The following NFATC1 variants were observed in gnomAD, a reference collection of about 807,000 sequenced individuals.
NFATC1 encodes nuclear factor of activated T-cells, cytoplasmic 1.
A neutral mutation model predicts 76.0 loss-of-function variants in NFATC1; 22 were observed. That is an observed-to-expected ratio of 0.29 (90% CI 0.21 to 0.41). The LOEUF is 0.41. Among genes scored for constraint, NFATC1 ranks in the 10% least tolerant of loss-of-function variants. The pLI is 1.00. For synonymous variants in NFATC1, 704 were observed against 613.1 expected (o/e 1.15, Z -2.19); for missense variants, 1,357 against 1,337.7 (o/e 1.01, Z -0.23).
chr18:79,414,116 T>C (rs2085794125), intron 2 of NFATC1, among the ~76,000 whole-genome samples: 1 of 152,212 alleles, frequency 6.6e-6, no homozygotes, highest in South Asian at 2.1e-4. Flanking sequence ...CTGGGGCAGC[T>C]GGAAGCCACG....
chr18:79,412,115 C>T (rs1339218603), intron 2 of NFATC1, among the ~76,000 whole-genome samples: 2 of 152,220 alleles, frequency 1.3e-5, no homozygotes, highest in Admixed American at 6.5e-5. Context: ...GGGGAGCTCA[C>T]GCGCCTTCCT....
intron 8 of NFATC1, among the ~76,000 whole-genome samples, chr18:79,471,275 C>T (rs1373245837): frequency 6.6e-6 from 1 of 152,170 alleles, no homozygotes; most frequent in Non-Finnish European, 1.5e-5. Flanking sequence ...CGTGGGAACC[C>T]TGCCCAGGTC....
Position 79,527,986 on chromosome 18 carries a change from T to C in NFATC1, c.*409T>C. ...TAGAATTGAGCATTGAATTTGCTAC[T>C]GTAGGAGTATTTTTAGGAGCAGAAA... On this transcript the variant is annotated 3_prime_UTR_variant, in exon 10 of 10. Transcript: ENST00000427363. The C allele has an allele frequency of 2.4e-6, 1 of 409,636 alleles. No individual in the cohort carries two copies. Among genetic ancestry groups the C allele is most frequent in the Non-Finnish European group, 4.3e-6 (1 of 231,836 alleles). The allele number at this position is 409,636 out of a possible 1,614,324, so 25.4% of individuals were successfully genotyped here. A position where few individuals can be genotyped will look rare whatever the true frequency, so the allele number is the denominator to read the frequency against.
chr18:79,419,270 C>T (rs781712103), intron 2 of NFATC1, among the ~76,000 whole-genome samples: 3 of 152,196 alleles, frequency 2.0e-5, no homozygotes, highest in African/African-American at 4.8e-5. Context: ...GCAGTCCTCC[C>T]GACCTGTCCT....
chr18:79,462,549 C>T (rs2088167713), intron 7 of NFATC1, among the ~76,000 whole-genome samples: 1 of 152,176 alleles, frequency 6.6e-6, no homozygotes, highest in African/African-American at 2.4e-5. Context: ...GGTGATCCGC[C>T]CGCCTCGGCC....
At position 79,472,058 on chromosome 18, in the gene NFATC1, G is replaced by A. The variant is rs141215856; in HGVS notation, c.2092+4476G>A. Among the ~76,000 whole-genome samples, 355 of 152,296 alleles carry A rather than the reference G, an allele frequency of 2.3e-3. 1 individual carries two copies. The highest frequency in any genetic ancestry group is 8.2e-3 in the African/African-American group (340 of 41,550). On this transcript the variant is annotated intron_variant, in intron 8 of 9. Transcript: ENST00000427363. ...TAAATCCAGCAATAACTGTGGCATC[G>A]GAGAGGTGTTGGTACAGAGGGAGCC... is the stretch of plus-strand genomic sequence containing the variant.
intron 7 of NFATC1, among the ~76,000 whole-genome samples, chr18:79,464,669 T>TGTGTGTGTGTAC (rs1224530916): frequency 1.6e-5 from 2 of 122,290 alleles, no homozygotes; most frequent in African/African-American, 3.7e-5. Flanking sequence ...TGTGTGTGTG[T>TGTGTGTGTGTAC]GTATATGTAT....
rs1445053643 is a variant in NFATC1, at chr18:79,494,756, TACC to T, written c.2782+7820_2782+7822del. On this transcript the variant is annotated intron_variant, in intron 9 of 9. Transcript: ENST00000427363. ...GGGCACACGCCCCCCATCGACCTGG[TACC>T]GCCGGGGGAAGGCGAGAGCGGGCAC... 2.7e-5 allele frequency among the ~76,000 whole-genome samples: 2 copies of T among 73,470 alleles called. 1 individual carries two copies. 48.2% of individuals were successfully genotyped at this position (73,470 alleles called of 152,430 possible). A position where few individuals can be genotyped will look rare whatever the true frequency, so the allele number is the denominator to read the frequency against.
At chr18:79,441,374 C>T (rs1202687664) in intron 3 of NFATC1, among the ~76,000 whole-genome samples, 1 of 152,138 alleles carries the variant, frequency 6.6e-6, no homozygotes, top group Non-Finnish European at 1.5e-5. Context: ...GGGCAGCGCT[C>T]CTGGGCCTCT....
chr18:79,447,001 G>A (rs1312490634), intron 3 of NFATC1, among the ~76,000 whole-genome samples: 5 of 152,236 alleles, frequency 3.3e-5, no homozygotes, highest in African/African-American at 1.2e-4. Context: ...ATCAGTCTGG[G>A]CCTCACGGTC....
intron 5 of NFATC1, 89 bp downstream of exon 5, chr18:79,451,215 G>A: frequency 1.4e-6 from 2 of 1,464,070 alleles, no homozygotes; most frequent in Admixed American, 1.9e-5. Flanking sequence ...TTTCGTTCGT[G>A]TAGACTTGGG....
intron 8 of NFATC1, 196 bp downstream of exon 8, chr18:79,467,778 T>A (rs2088589849): frequency 8.8e-5 from 36 of 407,916 alleles, no homozygotes; most frequent in Non-Finnish European, 1.1e-4. Flanking sequence ...TTTTCCTTGA[T>A]CCCTGTTGGG....
chr18:79,436,179 C>T (rs2086767852), intron 3 of NFATC1, among the ~76,000 whole-genome samples: 1 of 152,256 alleles, frequency 6.6e-6, no homozygotes, highest in Non-Finnish European at 1.5e-5. Context: ...TATTTTAGTA[C>T]ATCCTTTGAC....
chr18:79,432,814 C>A (rs893746068), intron 2 of NFATC1, among the ~76,000 whole-genome samples: 1 of 152,164 alleles, frequency 6.6e-6, no homozygotes, highest in Non-Finnish European at 1.5e-5. Flanking sequence ...GCCGAGGGCA[C>A]GGGCAGGACC....
intron 1 of NFATC1, chr18:79,402,472 C>G: frequency 4.6e-6 from 4 of 862,590 alleles, no homozygotes; most frequent in Non-Finnish European, 5.6e-6. Context: ...ACCTCACCCT[C>G]GCAGGCACCC....
At chr18:79,426,598 C>T (rs1481458989) in intron 2 of NFATC1, among the ~76,000 whole-genome samples, 6 of 149,612 alleles carry the variant, frequency 4.0e-5, no homozygotes, top group African/African-American at 1.2e-4. Context: ...ATGGGAGCAC[C>T]GTCCCCGGAC....
At position 79,478,542 on chromosome 18, in the gene NFATC1, C is replaced by T. The variant is rs114420159; in HGVS notation, c.2093-7706C>T. On this transcript the variant is annotated intron_variant, in intron 8 of 9. Transcript: ENST00000427363. ...GGTGAAGCCCACTCATGTCCTGGCTCCTGTTACCGGGTAGGGATGGCAGCC... is the reference window on the plus strand; with the variant it reads ...GGTGAAGCCCACTCATGTCCTGGCTTCTGTTACCGGGTAGGGATGGCAGCC... Among the ~76,000 whole-genome samples, 640 of 152,284 alleles carry T rather than the reference C, an allele frequency of 4.2e-3. 3 individuals carry two copies. Among genetic ancestry groups the T allele is most frequent in the African/African-American group, 0.015 (608 of 41,566 alleles).
At chr18:79,407,530 C>G (rs1203377115) in intron 1 of NFATC1, among the ~76,000 whole-genome samples, 2 of 152,226 alleles carry the variant, frequency 1.3e-5, no homozygotes, top group Admixed American at 1.3e-4. Context: ...TCACTGCAAC[C>G]TCTGCCTCCT....
chr18:79,403,904 A>G (rs1227564465), intron 1 of NFATC1, among the ~76,000 whole-genome samples: 1 of 152,194 alleles, frequency 6.6e-6, no homozygotes. Flanking sequence ...GTCCCAGGGG[A>G]GAGCTGAATT....
Sources: allele counts gnomAD v4.1 joint callset (sites outside exome capture counted in the v4.1 genomes callset), GRCh38; gene constraint gnomAD v4.1.1; transcripts MANE v1.5; gene names NCBI Gene and HGNC (gene_info 2026-07-23, HGNC 2026-07-21).